Variants in ATXN1 observed in about 807,000 individuals in gnomAD.
The protein encoded by ATXN1 is ataxin 1.
In ATXN1, 8 loss-of-function variants were observed where a neutral mutation model predicts 56.4. That is an observed-to-expected ratio of 0.14 (90% CI 0.08 to 0.26). The LOEUF (loss-of-function observed/expected upper bound fraction) is 0.26. Among genes scored for constraint, ATXN1 ranks in the 10% least tolerant of loss-of-function variants. The probability of loss-of-function intolerance (pLI) is 1.00; values close to 1 mark genes in which losing one functional copy is unlikely to be tolerated. For missense variants in ATXN1, 987 were observed against 1,106.5 expected (o/e 0.89, Z 1.53); for synonymous variants, 514 against 494.6 (o/e 1.04, Z -0.52).
chr6:16,427,505 T>A (rs1334160796), intron 6 of ATXN1, among the ~76,000 whole-genome samples: 2 of 152,214 alleles, frequency 1.3e-5, no homozygotes, highest in African/African-American at 4.8e-5. Context: ...ACACTCACAT[T>A]CATAAACACA....
chr6:16,476,918 A>G (rs1044813025), intron 6 of ATXN1, among the ~76,000 whole-genome samples: 1 of 152,248 alleles, frequency 6.6e-6, no homozygotes, highest in African/African-American at 2.4e-5. Flanking sequence ...CTTTCCCATC[A>G]TAAGCACACA....
chr6:16,668,353 C>A (rs1225882870), intron 2 of ATXN1, among the ~76,000 whole-genome samples: 2 of 137,592 alleles, frequency 1.5e-5, no homozygotes, highest in African/African-American at 2.7e-5. Context: ...CCTCCCCCAA[C>A]CCCACAACAG....
intron 6 of ATXN1, among the ~76,000 whole-genome samples, chr6:16,378,839 C>T (rs1204449292): frequency 6.6e-6 from 1 of 152,186 alleles, no homozygotes; most frequent in Non-Finnish European, 1.5e-5. Flanking sequence ...GGAGTATAGG[C>T]ATGAGCACAG....
chr6:16,341,434 T>C (rs1761245870), intron 6 of ATXN1, among the ~76,000 whole-genome samples: 1 of 152,030 alleles, frequency 6.6e-6, no homozygotes, highest in African/African-American at 2.4e-5. Flanking sequence ...CCCTAGATGT[T>C]GGGACCACCA....
chr6:16,563,029 T>C (rs1762151121), intron 4 of ATXN1, among the ~76,000 whole-genome samples: 1 of 151,904 alleles, frequency 6.6e-6, no homozygotes, highest in Admixed American at 6.6e-5. Context: ...GGAGGTCTTC[T>C]TGCTCCTCTG....
intron 3 of ATXN1, among the ~76,000 whole-genome samples, chr6:16,609,008 T>TG (rs1372884010): frequency 6.6e-6 from 1 of 152,124 alleles, no homozygotes; most frequent in Non-Finnish European, 1.5e-5. Flanking sequence ...ACACCAGTGC[T>TG]GAAAAAAAAG....
chr6:16,499,083 G>A (rs912653668), intron 5 of ATXN1, among the ~76,000 whole-genome samples: 3 of 150,224 alleles, frequency 2.0e-5, no homozygotes, highest in Non-Finnish European at 2.9e-5. Context: ...CCAAATCCAT[G>A]GTCATGAAGA....
chr6:16,370,710 G>C (rs1762022888), intron 6 of ATXN1, among the ~76,000 whole-genome samples: 1 of 152,052 alleles, frequency 6.6e-6, no homozygotes, highest in Non-Finnish European at 1.5e-5. Flanking sequence ...TACAAAGTTA[G>C]AATAATTCTG....
intron 5 of ATXN1, among the ~76,000 whole-genome samples, chr6:16,521,438 G>A (rs1661016879): frequency 2.6e-5 from 4 of 152,162 alleles, no homozygotes; most frequent in African/African-American, 7.2e-5. Flanking sequence ...GGCACCTGTA[G>A]TCCCAGCTAC....
chr6:16,499,484 GA>G (rs1461125096), intron 5 of ATXN1, among the ~76,000 whole-genome samples: 1 of 152,094 alleles, frequency 6.6e-6, no homozygotes, highest in Non-Finnish European at 1.5e-5. Flanking sequence ...AGCTTTCAGG[GA>G]AGCCAACCAC....
intron 2 of ATXN1, among the ~76,000 whole-genome samples, chr6:16,688,942 T>A (rs1445712129): frequency 6.6e-6 from 1 of 152,044 alleles, no homozygotes; most frequent in East Asian, 1.9e-4. Flanking sequence ...TGTGTGTATG[T>A]GTGTGTGTGG....
chr6:16,608,090 C>T lies in ATXN1; in HGVS notation c.-488-22183G>A, dbSNP rs9464925. On this transcript the variant is annotated intron_variant, in intron 3 of 7. Transcript: ENST00000436367. Reference sequence around the variant, plus strand: ...CTGAATGACATTGGAGTGGGAGCCACTGGCTTTACCTGCAAGCCTCAGCTT... The same window carrying T: ...CTGAATGACATTGGAGTGGGAGCCATTGGCTTTACCTGCAAGCCTCAGCTT... 3.7e-3 allele frequency among the ~76,000 whole-genome samples: 560 copies of T among 152,346 alleles called. 5 individuals are homozygous for T. The highest frequency in any genetic ancestry group is 0.013 in the African/African-American group (522 of 41,576).
Position 16,704,400 on chromosome 6 carries a change from C to T in ATXN1, c.-614-46499G>A, listed in dbSNP as rs745860223. Among the ~76,000 whole-genome samples the T allele has an allele frequency of 1.1e-4, 16 of 152,234 alleles. No homozygotes were observed. In the East Asian group the frequency reaches 1.5e-3, roughly 15 times the overall value. The stretch of plus-strand genomic sequence containing the variant: ...TACAAATCACTACTAACAGCTCCTG[C>T]GAGGCGCTCCCTCTAAGAATCTGTA... On this transcript the variant is annotated intron_variant, in intron 2 of 7. Transcript: ENST00000436367.
At chr6:16,601,625 C>A (rs551660111) in intron 3 of ATXN1, among the ~76,000 whole-genome samples, 1 of 152,076 alleles carries the variant, frequency 6.6e-6, no homozygotes, top group African/African-American at 2.4e-5. Context: ...CCGAGGCGGG[C>A]GGACCATGAG....
At chr6:16,643,159 ACTTGGGAGGCTTGAACC>A (rs1368381757) in intron 3 of ATXN1, among the ~76,000 whole-genome samples, 1 of 151,954 alleles carries the variant, frequency 6.6e-6, no homozygotes, top group Non-Finnish European at 1.5e-5. Context: ...AGTCCCAGCT[ACTTGGGAGGCTTGAACC>A]CAGGAGGCGG....
At chr6:16,583,757 T>C (rs1457885921) in intron 4 of ATXN1, among the ~76,000 whole-genome samples, 1 of 152,176 alleles carries the variant, frequency 6.6e-6, no homozygotes, top group Non-Finnish European at 1.5e-5. Flanking sequence ...ACTTGAAAAC[T>C]TGAATCAGGA....
At chr6:16,706,536 A>T (rs1759409558) in intron 2 of ATXN1, among the ~76,000 whole-genome samples, 1 of 152,106 alleles carries the variant, frequency 6.6e-6, no homozygotes, top group African/African-American at 2.4e-5. Flanking sequence ...CATCCTGACC[A>T]ACAAGGTGAA....
intron 2 of ATXN1, among the ~76,000 whole-genome samples, chr6:16,675,272 G>A (rs565780423): frequency 6.6e-5 from 10 of 152,224 alleles, no homozygotes; most frequent in Non-Finnish European, 1.0e-4. Flanking sequence ...AAATACTGCC[G>A]TATGAGTCCG....
intron 2 of ATXN1, among the ~76,000 whole-genome samples, chr6:16,720,913 G>C (rs1182586484): frequency 6.6e-6 from 1 of 152,194 alleles, no homozygotes; most frequent in Non-Finnish European, 1.5e-5. Flanking sequence ...TACTGTGCTA[G>C]CAGTGACACA....
Sources: gnomAD v4.1 joint callset for allele counts (sites outside exome capture counted in the v4.1 genomes callset) on GRCh38, gnomAD v4.1.1 for gene constraint, MANE v1.5 for transcripts, NCBI Gene and HGNC (gene_info 2026-07-23, HGNC 2026-07-21) for gene names.